Variants in RNF185 observed in about 807,000 individuals in gnomAD.
RNF185 encodes the protein E3 ubiquitin-protein ligase RNF185.
RNF185 carries 13 observed loss-of-function variants against 24.9 expected under a neutral mutation model. The ratio of observed to expected loss-of-function variants is 0.52; its 90% CI spans 0.34 to 0.83. The LOEUF is 0.83. RNF185 is among the 40% of genes least tolerant of loss of function. The pLI is 0.01. For synonymous variants in RNF185, 79 were observed against 90.3 expected, an observed-to-expected ratio of 0.88 and a Z score of 0.71; for missense variants, 184 against 244.7, an observed-to-expected ratio of 0.75 and a Z score of 1.65.
intron 1 of RNF185, among the ~76,000 whole-genome samples, chr22:31,183,748 G>A (rs2048063589): frequency 1.3e-5 from 2 of 152,328 alleles, no homozygotes; most frequent in East Asian, 1.9e-4. Context: ...ATTTTTCCTA[G>A]TACAGAACAA....
intron 2 of RNF185, among the ~76,000 whole-genome samples, chr22:31,191,827 CAAA>C (rs71784545): frequency 1.6e-5 from 1 of 64,354 alleles, no homozygotes; most frequent in South Asian, 5.1e-4. Context: ...AACTTCGTCT[CAAA>C]AAAAAAAAAA....
At chr22:31,175,659 A>G (rs1247966780) in intron 1 of RNF185, among the ~76,000 whole-genome samples, 1 of 152,154 alleles carries the variant, frequency 6.6e-6, no homozygotes, top group Admixed American at 6.5e-5. Flanking sequence ...TAATATAGTC[A>G]AGCAGTCTTG....
intron 1 of RNF185, among the ~76,000 whole-genome samples, chr22:31,186,476 C>T (rs1047281474): frequency 2.0e-5 from 3 of 152,114 alleles, no homozygotes; most frequent in African/African-American, 7.2e-5. Flanking sequence ...GTGGCAGGCA[C>T]CTGTAATCCC....
intron 1 of RNF185, among the ~76,000 whole-genome samples, chr22:31,173,416 G>GACAGACACACACAC (rs1555881070): frequency 2.0e-5 from 3 of 146,784 alleles, no homozygotes; most frequent in African/African-American, 7.6e-5. Flanking sequence ...CACACACACA[G>GACAGACACACACAC]ACACACACAC....
intron 2 of RNF185, among the ~76,000 whole-genome samples, chr22:31,192,018 A>C (rs1265998862): frequency 6.6e-6 from 1 of 151,656 alleles, no homozygotes; most frequent in African/African-American, 2.4e-5. Context: ...AAATGGAGAG[A>C]GATTGGACAG....
At chr22:31,186,996 TG>T (rs34089129) in intron 1 of RNF185, 50 bp from the exon 2 acceptor site, 8 of 1,265,684 alleles carry the variant, frequency 6.3e-6, no homozygotes, top group Non-Finnish European at 8.8e-6. Flanking sequence ...GCATGGAAGC[TG>T]GGGGGAGAGG....
intron 3 of RNF185, among the ~76,000 whole-genome samples, chr22:31,194,195 G>A (rs916783531): frequency 5.3e-5 from 8 of 151,924 alleles, no homozygotes; most frequent in Admixed American, 2.0e-4. Context: ...ACCGCGCCTG[G>A]CCTAAACAAA....
In RNF185 at chr22:31,183,919, C is replaced by T. The variant is rs1243538441; in HGVS notation, c.-48-3128C>T. 1.4e-4 allele frequency among the ~76,000 whole-genome samples: 15 copies of T among 105,870 alleles called. No homozygotes were observed. The South Asian group carries it at 3.8e-3, about 27-fold the overall frequency. 69.5% of individuals were successfully genotyped at this position (105,870 alleles called of 152,430 possible). A position where few individuals can be genotyped will look rare whatever the true frequency, so the allele number is the denominator to read the frequency against. On this transcript the variant is annotated intron_variant, in intron 1 of 6. Transcript: ENST00000326132. ...TGGGTACACCTCCCAGACGGGGTGG[C>T]GGCCGGGCAGAGGGGCTCCCACCTC...
chr22:31,188,850 G>C (rs1437133150), intron 2 of RNF185, among the ~76,000 whole-genome samples: 1 of 151,784 alleles, frequency 6.6e-6, no homozygotes, highest in Admixed American at 6.6e-5. Context: ...GCTGGGCGCG[G>C]TGGCTCACGC....
At chr22:31,183,531 C>A (rs922321415) in intron 1 of RNF185, among the ~76,000 whole-genome samples, 2 of 152,028 alleles carry the variant, frequency 1.3e-5, no homozygotes, top group African/African-American at 4.8e-5. Context: ...AGGGCCCTGC[C>A]GCCTTCCGCA....
rs2048292631 is a variant in RNF185, at chr22:31,204,257, C to T, written c.482-232C>T. Among the ~76,000 whole-genome samples the T allele has an allele frequency of 2.6e-5, 4 of 151,668 alleles. No individual in the cohort carries two copies. The South Asian group carries it at 8.3e-4, about 32-fold the overall frequency. On this transcript the variant is annotated intron_variant, in intron 6 of 6. Transcript: ENST00000326132. Reference sequence around the variant, plus strand: ...ACTTAGGAGGCTGAGGCAGGAGAATCGCTTGAACCTGGGAAGCGGAGGTTG... The same window carrying T: ...ACTTAGGAGGCTGAGGCAGGAGAATTGCTTGAACCTGGGAAGCGGAGGTTG...
At chr22:31,167,594 G>A (rs952340649) in intron 1 of RNF185, among the ~76,000 whole-genome samples, 15 of 147,050 alleles carry the variant, frequency 1.0e-4, no homozygotes, top group Admixed American at 2.8e-4. Context: ...TTATGGAAAC[G>A]TAGGGGGGTT....
At chr22:31,195,297 G>A (rs1385337727) in intron 3 of RNF185, among the ~76,000 whole-genome samples, 172 bp from the exon 4 acceptor site, 1 of 152,166 alleles carries the variant, frequency 6.6e-6, no homozygotes, top group Non-Finnish European at 1.5e-5. Context: ...CCACTGGTAG[G>A]TATTTGCTGA....
intron 5 of RNF185, 39 bp downstream of exon 5, chr22:31,197,029 G>A (rs1337287805): frequency 1.2e-6 from 2 of 1,612,296 alleles, no homozygotes; most frequent in Non-Finnish European, 1.7e-6. Flanking sequence ...CAAATGAGCT[G>A]ATGGCTTTAG....
At chr22:31,177,494 G>T (rs185955150) in intron 1 of RNF185, among the ~76,000 whole-genome samples, 1 of 152,160 alleles carries the variant, frequency 6.6e-6, no homozygotes, top group Admixed American at 6.5e-5. Flanking sequence ...TTCAAAGCTG[G>T]TTTATGTGTT....
At chr22:31,169,920 G>A (rs1236775441) in intron 1 of RNF185, among the ~76,000 whole-genome samples, 4 of 149,910 alleles carry the variant, frequency 2.7e-5, no homozygotes, top group Non-Finnish European at 1.5e-5. Flanking sequence ...TTGGTCGTTG[G>A]GAACAAAGCT....
intron 5 of RNF185, among the ~76,000 whole-genome samples, chr22:31,198,271 T>C (rs142051317): frequency 6.6e-6 from 1 of 152,290 alleles, no homozygotes; most frequent in East Asian, 1.9e-4. Flanking sequence ...TATTTTTCCA[T>C]GCTATTGCTG....
intron 1 of RNF185, among the ~76,000 whole-genome samples, chr22:31,173,526 G>A (rs1479553276): frequency 5.9e-5 from 9 of 151,996 alleles, no homozygotes; most frequent in Non-Finnish European, 1.0e-4. Context: ...TTGACAAGAC[G>A]CACAAGAACA....
At chr22:31,165,202 G>T (rs552299592) in intron 1 of RNF185, among the ~76,000 whole-genome samples, 2 of 152,106 alleles carry the variant, frequency 1.3e-5, no homozygotes, top group African/African-American at 4.8e-5. Context: ...ACAGGTGTGA[G>T]CCACTGCGCC....
Sources: gnomAD v4.1 joint callset for allele counts (sites outside exome capture counted in the v4.1 genomes callset) on GRCh38, gnomAD v4.1.1 for gene constraint, MANE v1.5 for transcripts, NCBI Gene and HGNC (gene_info 2026-07-23, HGNC 2026-07-21) for gene names.